HACD4: variants seen among roughly 807,000 people sequenced by gnomAD.
HACD4 encodes 3-hydroxyacyl-CoA dehydratase 4.
HACD4 carries 35 observed loss-of-function variants against 33.3 expected under a neutral mutation model. That is an observed-to-expected ratio of 1.05 (90% CI 0.80 to 1.39). HACD4 has a LOEUF of 1.39. Ranked by LOEUF, HACD4 falls within the 40% of genes most tolerant of loss-of-function variation. HACD4 has a pLI of 0.00. For synonymous variants in HACD4, 118 were observed against 98.0 expected, an observed-to-expected ratio of 1.20 and a Z score of -1.21; for missense variants, 323 against 276.5, an observed-to-expected ratio of 1.17 and a Z score of -1.19.
intron 2 of HACD4, among the ~76,000 whole-genome samples, chr9:21,028,249 C>G (rs1818116544): frequency 6.6e-6 from 1 of 152,082 alleles, no homozygotes; most frequent in Non-Finnish European, 1.5e-5. Context: ...ATAAGCCAGT[C>G]CATGGCTTGT....
Position 21,014,690 on chromosome 9 carries a change from G to C in HACD4, c.383+1208C>G, listed in dbSNP as rs148216997. 4.3e-4 allele frequency among the ~76,000 whole-genome samples: 66 copies of C among 152,230 alleles called. No homozygotes were observed. The East Asian group carries it at 0.013, about 29-fold the overall frequency. On this transcript the variant is annotated intron_variant, in intron 4 of 6. Transcript: ENST00000495827. The stretch of plus-strand genomic sequence containing the variant: ...CTCACAAATTTTGTATTTTAAAAGG[G>C]TGAATTTTATGGTATATAAATTATA...
chr9:21,011,805 G>T, intron 4 of HACD4, 110 bp from the exon 5 acceptor site: 6 of 598,926 alleles, frequency 1.0e-5, no homozygotes, highest in South Asian at 2.3e-5. Context: ...TGTACAAATT[G>T]TATATTTTAT....
rs1190160547 is a variant in HACD4 at position 21,004,495 on chromosome 9, C to T, written c.*2542G>A. On this transcript the variant is annotated 3_prime_UTR_variant, in exon 7 of 7. Transcript: ENST00000495827. This position sits in a 1 kb window ranked among gnomAD's most constrained non-coding sequence, Gnocchi z 4.6. ...GGAACCTTCATAAATGGGATTAGTA[C>T]CTTTACAATAAGAAATAAGGGAGAG... 2.0e-5 allele frequency: 3 copies of T among 152,084 alleles called. No homozygotes were observed. Among genetic ancestry groups the T allele is most frequent in the African/African-American group, 7.2e-5 (3 of 41,400 alleles). 9.4% of individuals were successfully genotyped at this position (152,084 alleles called of 1,614,324 possible).
chr9:21,026,909 T>G (rs1417722776), intron 2 of HACD4, among the ~76,000 whole-genome samples, 186 bp from the exon 3 acceptor site: 1 of 152,240 alleles, frequency 6.6e-6, no homozygotes, highest in Non-Finnish European at 1.5e-5. Flanking sequence ...CACTTCATAC[T>G]GTAGTCTATT....
Position 21,000,637 on chromosome 9 carries a change from C to T in HACD4, c.*6400G>A, listed in dbSNP as rs1205615763. 6.6e-6 allele frequency: 1 copy of T among 152,028 alleles called. No homozygotes were observed. The highest frequency in any genetic ancestry group is 1.9e-4 in the East Asian group (1 of 5,192). 9.4% of individuals were successfully genotyped at this position (152,028 alleles called of 1,614,324 possible). ...ATGTCATATCAACATTAGCATATAACTCAGACCGAGAAGAATATTAAAATT... is the reference window on the plus strand; with the variant it reads ...ATGTCATATCAACATTAGCATATAATTCAGACCGAGAAGAATATTAAAATT... On this transcript the variant is annotated 3_prime_UTR_variant, in exon 7 of 7. Transcript: ENST00000495827.
intron 6 of HACD4, 69 bp downstream of exon 6, chr9:21,007,952 A>C: frequency 7.0e-7 from 1 of 1,423,540 alleles, no homozygotes; most frequent in Non-Finnish European, 9.4e-7. Context: ...CTGTATATTA[A>C]GGTAGACGGC....
At chr9:21,011,262 A>G (rs1347869667) in intron 5 of HACD4, among the ~76,000 whole-genome samples, 1 of 152,196 alleles carries the variant, frequency 6.6e-6, no homozygotes. Context: ...TAAAAGTTAA[A>G]AATCATAGAA....
At chr9:21,021,380 G>A (rs1228402593) in intron 3 of HACD4, among the ~76,000 whole-genome samples, 2 of 152,124 alleles carry the variant, frequency 1.3e-5, no homozygotes, top group Admixed American at 1.3e-4. Flanking sequence ...TCTGGCCAGG[G>A]CAATCAGGCA....
chr9:21,008,187 A>C lies in HACD4; in HGVS notation c.491-41T>G, dbSNP rs776578982. ...GGCATCATAAAGGTATTCCTCCTTA[A>C]GTTGTTACAGGGATGTGTATATATG... On this transcript the variant is annotated intron_variant, in intron 5 of 6. Coordinates refer to ENST00000495827, the MANE Select transcript of HACD4 (RefSeq NM_001010915.5). 5 of 1,565,078 alleles carry C rather than the reference A, an allele frequency of 3.2e-6. No homozygotes were observed. In the South Asian group the frequency reaches 6.0e-5, roughly 19 times the overall value.
rs921539119 is a variant in HACD4 at position 21,003,966 on chromosome 9, G to A, written c.*3071C>T. ...TTTAAAATTAAAAAGAATACAGAAT[G>A]GGGCATCATTTGTGTATTTGCTAAA... On this transcript the variant is annotated 3_prime_UTR_variant, in exon 7 of 7. Transcript: ENST00000495827. The A allele has an allele frequency of 5.9e-5, 9 of 152,058 alleles. No individual in the cohort carries two copies. The highest frequency in any genetic ancestry group is 2.2e-4 in the African/African-American group (9 of 41,400). The allele number at this position is 152,058 out of a possible 1,614,324, so 9.4% of individuals were successfully genotyped here.
rs1842165203 is a variant in HACD4, at chr9:21,001,460, C to G, written c.*5577G>C. On this transcript the variant is annotated 3_prime_UTR_variant, in exon 7 of 7. Coordinates refer to ENST00000495827, the MANE Select transcript of HACD4 (RefSeq NM_001010915.5). Reference sequence around the variant, plus strand: ...GGGACCCATCAAGCAGACCAACATACACATTGTGAGGATCCCAGAAGGAAA... The same window carrying G: ...GGGACCCATCAAGCAGACCAACATAGACATTGTGAGGATCCCAGAAGGAAA... 1 of 151,890 alleles carries G rather than the reference C, an allele frequency of 6.6e-6. No homozygotes were observed. Among genetic ancestry groups the G allele is most frequent in the African/African-American group, 2.4e-5 (1 of 41,378 alleles). The allele number at this position is 151,890 out of a possible 1,614,324, so 9.4% of individuals were successfully genotyped here. A position where few individuals can be genotyped will look rare whatever the true frequency, so the allele number is the denominator to read the frequency against.
intron 1 of HACD4, 48 bp downstream of exon 1, chr9:21,031,505 G>A: frequency 6.9e-7 from 1 of 1,448,264 alleles, no homozygotes; most frequent in Middle Eastern, 2.4e-4. Context: ...CCGCCTCCAG[G>A]CCCTCCACCC....
At chr9:21,008,217 C>T in intron 5 of HACD4, 71 bp from the exon 6 acceptor site, 1 of 1,258,238 alleles carries the variant, frequency 7.9e-7, no homozygotes, top group Non-Finnish European at 1.1e-6. Flanking sequence ...TATATGTCTT[C>T]ATAGTTGTAG....
intron 4 of HACD4, among the ~76,000 whole-genome samples, chr9:21,014,114 T>A (rs1012593153): frequency 7.2e-5 from 11 of 152,200 alleles, no homozygotes; most frequent in African/African-American, 2.7e-4. Context: ...CTCTTGCTCA[T>A]TACTTAGGAA....
intron 2 of HACD4, among the ~76,000 whole-genome samples, chr9:21,028,805 C>A (rs530238178): frequency 6.6e-6 from 1 of 152,350 alleles, no homozygotes; most frequent in African/African-American, 2.4e-5. Flanking sequence ...TAGCCCTCTA[C>A]AAAGTGTGTC....
intron 3 of HACD4, among the ~76,000 whole-genome samples, chr9:21,017,201 C>A (rs1360525961): frequency 6.6e-6 from 1 of 152,008 alleles, no homozygotes; most frequent in Non-Finnish European, 1.5e-5. Context: ...GCTGCTAGTC[C>A]TGGAAAATCA....
At position 21,002,839 on chromosome 9, in the gene HACD4, A is replaced by C. The variant is rs1285187204; in HGVS notation, c.*4198T>G. On this transcript the variant is annotated 3_prime_UTR_variant, in exon 7 of 7. Transcript: ENST00000495827. Reference sequence around the variant, plus strand: ...AAGTAAGCCTTTGTCTACACTGTACAAAATGAAATAGGGATTTGGTGAACA... The same window carrying C: ...AAGTAAGCCTTTGTCTACACTGTACCAAATGAAATAGGGATTTGGTGAACA... 6.6e-6 allele frequency: 1 copy of C among 152,188 alleles called. No individual in the cohort carries two copies. The highest frequency in any genetic ancestry group is 2.4e-5 in the African/African-American group (1 of 41,468). 9.4% of individuals were successfully genotyped at this position (152,188 alleles called of 1,614,324 possible). A position where few individuals can be genotyped will look rare whatever the true frequency, so the allele number is the denominator to read the frequency against.
intron 1 of HACD4, 63 bp downstream of exon 1, chr9:21,031,490 A>T: frequency 7.2e-7 from 1 of 1,393,332 alleles, no homozygotes. Context: ...CGCAGAGGGG[A>T]GCTCCCGCCT....
At chr9:21,022,810 C>T (rs530251760) in intron 3 of HACD4, among the ~76,000 whole-genome samples, 6 of 151,938 alleles carry the variant, frequency 3.9e-5, no homozygotes, top group Non-Finnish European at 5.9e-5. Context: ...GTCAGTGTGG[C>T]GATTCCTCAA....
Sources: gnomAD v4.1 joint callset for allele counts (sites outside exome capture counted in the v4.1 genomes callset) on GRCh38, gnomAD v4.1.1 for gene constraint, Gnocchi (gnomAD v3.1) non-coding constraint, MANE v1.5 for transcripts, NCBI Gene and HGNC (gene_info 2026-07-23, HGNC 2026-07-21) for gene names.